ETV6: variants seen among roughly 807,000 people sequenced by gnomAD.
The protein encoded by ETV6 is ETS variant transcription factor 6, also known as transcription factor ETV6.
In ETV6, 16 loss-of-function variants were observed where a neutral mutation model predicts 51.1. The ratio of observed to expected loss-of-function variants is 0.31; its 90% confidence interval spans 0.21 to 0.48. The LOEUF (loss-of-function observed/expected upper bound fraction) is 0.48. Among genes scored for constraint, ETV6 ranks in the 20% least tolerant of loss-of-function variants. ETV6 has a pLI of 0.99. For missense variants in ETV6, 458 were observed against 594.8 expected (o/e 0.77, Z 2.39); for synonymous variants, 240 against 224.1 (o/e 1.07, Z -0.64).
Position 11,869,533 on chromosome 12 carries a change from G to T in ETV6, c.573G>T (p.Arg191=), listed in dbSNP as rs35030220. The change falls in exon 5 of 8, where the codon CGG becomes CGT. Residue 191 remains arginine, a synonymous_variant. Coordinates refer to ENST00000396373, the MANE Select transcript of ETV6 (RefSeq NM_001987.5). The surrounding 1 kb of genome is among the most constrained non-coding windows in gnomAD (Gnocchi z 5.0). ...RSRSPITTNH[R]PSPDPEQRPL... Reference sequence around the variant, plus strand: ...GGTCACCTATCACGACAAATCACCGGCCTTCTCCTGACCCCGAGCAGCGGC... The same window carrying T: ...GGTCACCTATCACGACAAATCACCGTCCTTCTCCTGACCCCGAGCAGCGGC... 631 of 1,613,910 alleles carry T rather than the reference G, an allele frequency of 3.9e-4. 1 individual carries two copies. The highest frequency in any genetic ancestry group is 2.9e-4 in the Non-Finnish European group (341 of 1,180,006).
intron 2 of ETV6, among the ~76,000 whole-genome samples, chr12:11,758,041 C>T (rs1422582042): frequency 3.3e-5 from 5 of 152,206 alleles, no homozygotes; most frequent in Admixed American, 2.6e-4. Context: ...GGGCTCAATC[C>T]AGTACCCAAT....
intron 5 of ETV6, among the ~76,000 whole-genome samples, chr12:11,872,040 T>G (rs1008707984): frequency 6.6e-6 from 1 of 152,236 alleles, no homozygotes; most frequent in Admixed American, 6.5e-5. Context: ...TACCCTCTCG[T>G]CTTGTTTCTT....
chr12:11,751,258 G>A (rs939765577), intron 1 of ETV6: 7 of 496,070 alleles, frequency 1.4e-5, no homozygotes, highest in African/African-American at 1.2e-4. Context: ...CATTTGATGA[G>A]ATGTAAAATG....
rs1946839030 is a variant in ETV6 at position 11,869,267 on chromosome 12, C to T, written c.464-157C>T. On this transcript the variant is annotated intron_variant, in intron 4 of 7. Coordinates refer to ENST00000396373, the MANE Select transcript of ETV6 (RefSeq NM_001987.5). This position sits in a 1 kb window ranked among gnomAD's most constrained non-coding sequence, Gnocchi z 5.0. ...AAAAAAAAAAAAAATATGCACCCTT[C>T]AAATTGTTAAGCAGTGAAAAAGACA... Among the ~76,000 whole-genome samples the T allele has an allele frequency of 6.6e-6, 1 of 151,446 alleles. No individual in the cohort carries two copies. The highest frequency in any genetic ancestry group is 2.4e-5 in the African/African-American group (1 of 41,184).
chr12:11,711,972 T>C (rs895925103), intron 1 of ETV6, among the ~76,000 whole-genome samples: 1 of 152,214 alleles, frequency 6.6e-6, no homozygotes, highest in Non-Finnish European at 1.5e-5. Flanking sequence ...AACTCCAGCC[T>C]TTTTTCTGTG....
chr12:11,867,786 G>C (rs538112394), intron 4 of ETV6, among the ~76,000 whole-genome samples: 3 of 152,324 alleles, frequency 2.0e-5, no homozygotes, highest in African/African-American at 7.2e-5. Context: ...AGGACAGCAA[G>C]CATGCACATC....
intron 2 of ETV6, among the ~76,000 whole-genome samples, chr12:11,835,202 C>T (rs76184525): frequency 2.4e-4 from 37 of 152,326 alleles, no homozygotes; most frequent in South Asian, 1.7e-3. Flanking sequence ...TTCTTAATCA[C>T]AGCAGTTCAC....
At chr12:11,666,008 G>T (rs1859980979) in intron 1 of ETV6, among the ~76,000 whole-genome samples, 2 of 152,150 alleles carry the variant, frequency 1.3e-5, no homozygotes, top group Non-Finnish European at 2.9e-5. Context: ...TGTGGCTCAG[G>T]ATGCCTCTTG....
At chr12:11,656,961 C>G (rs578218851) in intron 1 of ETV6, among the ~76,000 whole-genome samples, 5 of 152,130 alleles carry the variant, frequency 3.3e-5, no homozygotes, top group South Asian at 4.2e-4. Context: ...TCATTTTCCC[C>G]TATAACAAAA....
At chr12:11,746,373 C>T (rs977976860) in intron 1 of ETV6, among the ~76,000 whole-genome samples, 1 of 152,138 alleles carries the variant, frequency 6.6e-6, no homozygotes, top group East Asian at 1.9e-4. Context: ...TTCCTCATTG[C>T]GGAATGGAGA....
chr12:11,892,036 A>G lies in ETV6; in HGVS notation c.*990A>G, dbSNP rs1388791033. The G allele has an allele frequency of 8.6e-6, 2 of 233,850 alleles. No homozygotes were observed. Among genetic ancestry groups the G allele is most frequent in the African/African-American group, 2.2e-5 (1 of 45,394 alleles). The allele number at this position is 233,850 out of a possible 1,614,324, so 14.5% of individuals were successfully genotyped here. On this transcript the variant is annotated 3_prime_UTR_variant, in exon 8 of 8. Coordinates refer to ENST00000396373, the MANE Select transcript of ETV6 (RefSeq NM_001987.5). ...GATTAGCTTGGGAGCGCAGCGCTGCAAAGTGGAAAATATGAAAAGACCACA... is the reference window on the plus strand; with the variant it reads ...GATTAGCTTGGGAGCGCAGCGCTGCGAAGTGGAAAATATGAAAAGACCACA...
intron 2 of ETV6, among the ~76,000 whole-genome samples, chr12:11,824,726 C>G (rs942020560): frequency 6.6e-6 from 1 of 152,108 alleles, no homozygotes; most frequent in African/African-American, 2.4e-5. Flanking sequence ...GAGCCTAGAT[C>G]GCGCTAATGC....
At chr12:11,845,263 G>T (rs911324837) in intron 3 of ETV6, among the ~76,000 whole-genome samples, 8 of 152,224 alleles carry the variant, frequency 5.3e-5, no homozygotes, top group African/African-American at 1.7e-4. Context: ...AACTTAAGAA[G>T]TTAAAAGTTG....
chr12:11,833,891 TAC>T (rs1316240619), intron 2 of ETV6, among the ~76,000 whole-genome samples: 5 of 152,226 alleles, frequency 3.3e-5, no homozygotes, highest in African/African-American at 1.2e-4. Flanking sequence ...CTCTGTGTGC[TAC>T]AGTTTTCTCA....
intron 1 of ETV6, among the ~76,000 whole-genome samples, chr12:11,723,935 C>T (rs940138406): frequency 2.0e-5 from 3 of 148,240 alleles, no homozygotes; most frequent in Non-Finnish European, 4.5e-5. Context: ...CTGGGAGGGC[C>T]GGACCTACAC....
intron 2 of ETV6, among the ~76,000 whole-genome samples, chr12:11,797,966 T>C (rs1945701853): frequency 6.6e-6 from 1 of 152,248 alleles, no homozygotes. Context: ...TATTTGGGAA[T>C]GTGATGATAG....
At chr12:11,756,208 G>C (rs1166972102) in intron 2 of ETV6, among the ~76,000 whole-genome samples, 3 of 152,132 alleles carry the variant, frequency 2.0e-5, no homozygotes, top group Non-Finnish European at 2.9e-5. Context: ...AAAGAAGCCT[G>C]GGCAGAGTGC....
At chr12:11,847,580 G>A (rs925257720) in intron 3 of ETV6, among the ~76,000 whole-genome samples, 6 of 152,232 alleles carry the variant, frequency 3.9e-5, no homozygotes, top group African/African-American at 1.4e-4. Flanking sequence ...AGTATTCTAA[G>A]AGAAGGGAAG....
chr12:11,726,006 A>G (rs1318405444), intron 1 of ETV6, among the ~76,000 whole-genome samples: 1 of 152,204 alleles, frequency 6.6e-6, no homozygotes, highest in Non-Finnish European at 1.5e-5. Flanking sequence ...TAAGACAGTT[A>G]ACTTCCCATC....
Sources: gnomAD v4.1 joint callset for allele counts (sites outside exome capture counted in the v4.1 genomes callset) on GRCh38, gnomAD v4.1.1 for gene constraint, Gnocchi (gnomAD v3.1) non-coding constraint, MANE v1.5 for transcripts, NCBI Gene and HGNC (gene_info 2026-07-23, HGNC 2026-07-21) for gene names.